The following PLXDC2 variants were observed in gnomAD, a reference collection of about 807,000 sequenced individuals.
PLXDC2 encodes plexin domain-containing protein 2.
In PLXDC2, 40 loss-of-function variants were observed where a neutral mutation model predicts 68.9. The ratio of observed to expected loss-of-function variants is 0.58; its 90% CI spans 0.45 to 0.76. The LOEUF is 0.76. Ranked by LOEUF, PLXDC2 falls within the 30% of genes least tolerant of loss-of-function variation. PLXDC2 has a pLI of 0.00. For synonymous variants in PLXDC2, 243 were observed against 234.2 expected, an observed-to-expected ratio of 1.04 and a Z score of -0.34; for missense variants, 644 against 661.9, an observed-to-expected ratio of 0.97 and a Z score of 0.30.
rs370668394 is a variant in PLXDC2 at position 19,827,849 on chromosome 10, G to A, written c.112+10658G>A. On this transcript the variant is annotated intron_variant, in intron 1 of 13. Coordinates refer to ENST00000377252, the MANE Select transcript of PLXDC2 (RefSeq NM_032812.9). ...GCTGGGATTACAGACATGAGCCACC[G>A]CGCCCAGCCATCATAACAAATTGTT... 1.3e-3 allele frequency among the ~76,000 whole-genome samples: 195 copies of A among 152,218 alleles called. 2 individuals carry two copies. Among genetic ancestry groups the A allele is most frequent in the East Asian group, 5.8e-3 (30 of 5,178 alleles).
chr10:20,083,530 A>G (rs1836616071), intron 4 of PLXDC2, among the ~76,000 whole-genome samples: 1 of 152,054 alleles, frequency 6.6e-6, no homozygotes, highest in South Asian at 2.1e-4. Flanking sequence ...AAACAGCATT[A>G]ATATTTAAAA....
At chr10:20,063,093 A>G (rs1001343482) in intron 3 of PLXDC2, among the ~76,000 whole-genome samples, 1 of 152,126 alleles carries the variant, frequency 6.6e-6, no homozygotes, top group Non-Finnish European at 1.5e-5. Flanking sequence ...GTGCCCCTCA[A>G]ACGTAATTAT....
chr10:19,822,587 C>G (rs1174714268), intron 1 of PLXDC2, among the ~76,000 whole-genome samples: 1 of 152,130 alleles, frequency 6.6e-6, no homozygotes, highest in East Asian at 1.9e-4. Context: ...TACATTCCCA[C>G]CAACAGTGTA....
At chr10:19,952,984 C>A (rs1381930280) in intron 1 of PLXDC2, among the ~76,000 whole-genome samples, 36 of 152,228 alleles carry the variant, frequency 2.4e-4, no homozygotes, top group African/African-American at 3.4e-4. Context: ...CCTGCCTCAG[C>A]CTCCTAAGTA....
At chr10:20,196,494 A>G (rs1194680725) in intron 9 of PLXDC2, among the ~76,000 whole-genome samples, 1 of 151,192 alleles carries the variant, frequency 6.6e-6, no homozygotes, top group East Asian at 2.0e-4. Flanking sequence ...TGTTTACATT[A>G]TCTCATTTAA....
chr10:20,210,976 C>T (rs899615208), intron 9 of PLXDC2, among the ~76,000 whole-genome samples: 6 of 152,130 alleles, frequency 3.9e-5, no homozygotes, highest in African/African-American at 7.2e-5. Flanking sequence ...CAAACTGTTA[C>T]AGCATGGCCC....
intron 4 of PLXDC2, among the ~76,000 whole-genome samples, chr10:20,108,369 A>G (rs1186488741): frequency 6.6e-6 from 1 of 152,204 alleles, no homozygotes; most frequent in Admixed American, 6.5e-5. Flanking sequence ...GCATCCTACA[A>G]TTCTTAGGAA....
intron 1 of PLXDC2, among the ~76,000 whole-genome samples, chr10:19,972,909 T>A (rs1442907322): frequency 1.3e-5 from 2 of 152,188 alleles, no homozygotes; most frequent in African/African-American, 4.8e-5. Flanking sequence ...TATCTACATG[T>A]AGTGAATAAT....
intron 1 of PLXDC2, among the ~76,000 whole-genome samples, chr10:19,930,940 G>T (rs1172536261): frequency 6.6e-6 from 1 of 152,054 alleles, no homozygotes; most frequent in Non-Finnish European, 1.5e-5. Flanking sequence ...CTCCAGCCTG[G>T]GCGACAGAGA....
In PLXDC2 at chr10:20,044,178, CTTCT is replaced by C. The variant is rs1191338149; in HGVS notation, c.325-2678_325-2675del. On this transcript the variant is annotated intron_variant, in intron 2 of 13. Transcript: ENST00000377252. The stretch of plus-strand genomic sequence containing the variant: ...TCCTTCCTTCCTCTTTCTTTCTTTC[CTTCT>C]TTCTTTCTTTCTCTCTCTCTCTCTC... 6.2e-3 allele frequency among the ~76,000 whole-genome samples: 748 copies of C among 119,838 alleles called. 26 individuals carry two copies. The highest frequency in any genetic ancestry group is 0.023 in the African/African-American group (685 of 29,624). 78.6% of individuals were successfully genotyped at this position (119,838 alleles called of 152,430 possible). A position where few individuals can be genotyped will look rare whatever the true frequency, so the allele number is the denominator to read the frequency against.
chr10:19,954,495 G>T (rs568175475), intron 1 of PLXDC2, among the ~76,000 whole-genome samples: 2 of 152,220 alleles, frequency 1.3e-5, no homozygotes, highest in African/African-American at 4.8e-5. Context: ...GATTTTTGAT[G>T]ATCCATTTGT....
At chr10:19,865,885 C>T (rs916628144) in intron 1 of PLXDC2, among the ~76,000 whole-genome samples, 9 of 152,156 alleles carry the variant, frequency 5.9e-5, no homozygotes, top group Non-Finnish European at 1.2e-4. Flanking sequence ...TAAATCCTCC[C>T]TCAATTTCCT....
At chr10:20,038,954 A>G (rs945322737) in intron 2 of PLXDC2, among the ~76,000 whole-genome samples, 2 of 152,038 alleles carry the variant, frequency 1.3e-5, no homozygotes, top group African/African-American at 4.8e-5. Context: ...CAAGACCCCT[A>G]CCTTTTTCTG....
At chr10:20,234,159 C>A (rs376373901) in intron 12 of PLXDC2, among the ~76,000 whole-genome samples, 15 of 152,076 alleles carry the variant, frequency 9.9e-5, no homozygotes, top group African/African-American at 3.6e-4. Flanking sequence ...TCCAAGGGAA[C>A]CTTAACTTCT....
intron 9 of PLXDC2, among the ~76,000 whole-genome samples, chr10:20,203,608 GC>G (rs1268678510): frequency 6.6e-6 from 1 of 151,872 alleles, no homozygotes; most frequent in Non-Finnish European, 1.5e-5. Context: ...ACCGTGCCCA[GC>G]CCAATACGAA....
At chr10:19,964,319 C>T (rs1409222854) in intron 1 of PLXDC2, among the ~76,000 whole-genome samples, 1 of 152,102 alleles carries the variant, frequency 6.6e-6, no homozygotes, top group East Asian at 1.9e-4. Context: ...ACTGGGTAAG[C>T]ACAACAATAA....
intron 6 of PLXDC2, among the ~76,000 whole-genome samples, chr10:20,155,143 G>A (rs1834201458): frequency 6.6e-6 from 1 of 152,156 alleles, no homozygotes; most frequent in Non-Finnish European, 1.5e-5. Flanking sequence ...TTGCCAATTA[G>A]TTGTAAGTTT....
At chr10:20,000,722 T>C (rs180977474) in intron 1 of PLXDC2, among the ~76,000 whole-genome samples, 1 of 152,322 alleles carries the variant, frequency 6.6e-6, no homozygotes, top group East Asian at 1.9e-4. Context: ...ATCATTGTAT[T>C]ATAAGCTGCA....
rs551506398 is a variant in PLXDC2 at position 20,280,512 on chromosome 10, C to G, written c.*693C>G. 2.6e-5 allele frequency: 4 copies of G among 152,094 alleles called. No homozygotes were observed. The highest frequency in any genetic ancestry group is 6.6e-5 in the Admixed American group (1 of 15,250). The allele number at this position is 152,094 out of a possible 1,614,324, so 9.4% of individuals were successfully genotyped here. A position where few individuals can be genotyped will look rare whatever the true frequency, so the allele number is the denominator to read the frequency against. On this transcript the variant is annotated 3_prime_UTR_variant, in exon 14 of 14. Transcript: ENST00000377252. The stretch of plus-strand genomic sequence containing the variant: ...TGAATGACCTTTCTATGAGCTGTGA[C>G]AAAATTTCCGAACAATTAACTAAGG...
Sources: allele counts gnomAD v4.1 joint callset (sites outside exome capture counted in the v4.1 genomes callset), GRCh38; gene constraint gnomAD v4.1.1; transcripts MANE v1.5; gene names NCBI Gene and HGNC (gene_info 2026-07-23, HGNC 2026-07-21).